Variants in SLC39A11 observed in about 807,000 individuals in gnomAD.
The protein encoded by SLC39A11 is solute carrier family 39 member 11, also known as zinc transporter ZIP11.
SLC39A11 carries 33 observed loss-of-function variants against 36.1 expected under a neutral mutation model. That is an observed-to-expected ratio of 0.91 (90% CI 0.69 to 1.22). SLC39A11 has a LOEUF of 1.22. Ranked by LOEUF, SLC39A11 falls within the 50% of genes most tolerant of loss-of-function variation. The pLI is 0.00. For synonymous variants in SLC39A11, 166 were observed against 170.3 expected (o/e 0.97, Z 0.20); for missense variants, 432 against 430.3 (o/e 1.00, Z -0.03).
intron 5 of SLC39A11, among the ~76,000 whole-genome samples, chr17:72,936,230 G>A (rs1393750528): frequency 6.6e-6 from 1 of 151,732 alleles, no homozygotes; most frequent in Non-Finnish European, 1.5e-5. Context: ...AATGACCAGG[G>A]AGCTTGGACT....
intron 5 of SLC39A11, 88 bp downstream of exon 5, chr17:72,947,664 C>A: frequency 6.3e-7 from 1 of 1,587,360 alleles, no homozygotes; most frequent in South Asian, 1.1e-5. Context: ...TCTCACTATT[C>A]ATCCTACCAC....
chr17:72,940,145 G>T (rs2085008383), intron 5 of SLC39A11, among the ~76,000 whole-genome samples: 1 of 152,194 alleles, frequency 6.6e-6, no homozygotes, highest in Non-Finnish European at 1.5e-5. Flanking sequence ...TTCCCCAGAA[G>T]TTAACTGAGC....
At chr17:72,706,473 GAATTCTC>G (rs1162603127) in intron 7 of SLC39A11, among the ~76,000 whole-genome samples, 1 of 152,252 alleles carries the variant, frequency 6.6e-6, no homozygotes, top group Non-Finnish European at 1.5e-5. Context: ...TGTTCCTAAA[GAATTCTC>G]AATTCTCAAA....
At position 73,088,775 on chromosome 17, in the gene SLC39A11, G is replaced by A. The variant is rs1351344271; in HGVS notation, c.-11C>T. On this transcript the variant is annotated splice_region_variant and 5_prime_UTR_variant, in exon 2 of 10. Transcript: ENST00000255559. ...GTGGCCTTGGAGCATGCTGGATACAGCTGTGCAAGAGGAGCGAGAGGGTCA... is the reference window on the plus strand; with the variant it reads ...GTGGCCTTGGAGCATGCTGGATACAACTGTGCAAGAGGAGCGAGAGGGTCA... 1 of 1,592,454 alleles carries A rather than the reference G, an allele frequency of 6.3e-7. No individual in the cohort carries two copies.
At chr17:72,901,000 A>AG (rs2082369015) in intron 5 of SLC39A11, among the ~76,000 whole-genome samples, 1 of 151,584 alleles carries the variant, frequency 6.6e-6, no homozygotes, top group Admixed American at 6.6e-5. Context: ...ACACGAAAAA[A>AG]AAACACGATG....
intron 6 of SLC39A11, among the ~76,000 whole-genome samples, chr17:72,785,154 C>T (rs2076464858): frequency 6.6e-6 from 1 of 152,208 alleles, no homozygotes. Flanking sequence ...GCCTAAACCT[C>T]TTTTATTCAT....
intron 7 of SLC39A11, among the ~76,000 whole-genome samples, chr17:72,683,765 T>C (rs1326044510): frequency 1.3e-5 from 2 of 151,940 alleles, no homozygotes; most frequent in South Asian, 4.2e-4. Context: ...AAAACCAAAG[T>C]GCAGCTCAAA....
intron 6 of SLC39A11, among the ~76,000 whole-genome samples, chr17:72,776,621 A>AC (rs1555668744): frequency 3.3e-5 from 5 of 150,916 alleles, no homozygotes; most frequent in Admixed American, 6.6e-5. Context: ...AAAAAAAAAA[A>AC]AAAAAAAACA....
At chr17:72,670,109 C>T (rs962351074) in intron 7 of SLC39A11, among the ~76,000 whole-genome samples, 1 of 145,326 alleles carries the variant, frequency 6.9e-6, no homozygotes, top group South Asian at 2.2e-4. Flanking sequence ...TATACTTGTA[C>T]ATATATAGTT....
chr17:72,936,585 C>T (rs548284485), intron 5 of SLC39A11, among the ~76,000 whole-genome samples: 5 of 152,168 alleles, frequency 3.3e-5, no homozygotes, highest in African/African-American at 1.2e-4. Context: ...ATCTGAAGAC[C>T]TGAGAAAAAC....
chr17:72,789,959 G>A (rs557236591), intron 6 of SLC39A11, among the ~76,000 whole-genome samples: 2 of 152,272 alleles, frequency 1.3e-5, no homozygotes, highest in South Asian at 2.1e-4. Context: ...CTCGTGGAGT[G>A]CCAAAGATTG....
At chr17:72,882,797 CTTT>C (rs972532779) in intron 5 of SLC39A11, among the ~76,000 whole-genome samples, 6 of 60,558 alleles carry the variant, frequency 9.9e-5, no homozygotes, top group Non-Finnish European at 8.5e-5. Flanking sequence ...GAGAATGCTT[CTTT>C]TTTTTTTTTT....
chr17:72,789,853 A>T (rs978469261), intron 6 of SLC39A11, among the ~76,000 whole-genome samples: 5 of 152,240 alleles, frequency 3.3e-5, no homozygotes, highest in African/African-American at 1.2e-4. Flanking sequence ...CATCTGAATG[A>T]ATAATTCAGG....
At chr17:72,971,730 G>A (rs865916980) in intron 4 of SLC39A11, among the ~76,000 whole-genome samples, 33 of 137,304 alleles carry the variant, frequency 2.4e-4, no homozygotes, top group Non-Finnish European at 4.3e-4. Flanking sequence ...ATATGCAACC[G>A]GGATGCCACC....
At chr17:73,072,428 A>C (rs1001920648) in intron 3 of SLC39A11, 1 of 152,258 alleles carries the variant, frequency 6.6e-6, no homozygotes, top group Non-Finnish European at 1.5e-5. Context: ...ACAGAGCAAC[A>C]GCATACACGT....
chr17:73,074,764 G>A (rs1465861759), intron 3 of SLC39A11, among the ~76,000 whole-genome samples: 3 of 152,178 alleles, frequency 2.0e-5, no homozygotes, highest in African/African-American at 7.2e-5. Flanking sequence ...CTGCACAAAA[G>A]CAGACTTAGC....
chr17:72,964,757 T>C lies in SLC39A11; in HGVS notation c.307-16882A>G, dbSNP rs7220489. ...CCCAGCCATCCCATTACTGGGTATA[T>C]ACCCAAAGGACTATAAATCATGCTG... On this transcript the variant is annotated intron_variant, in intron 4 of 9. Transcript: ENST00000255559. Among the ~76,000 whole-genome samples the C allele has an allele frequency of 6.6e-5, 10 of 152,312 alleles. No homozygotes were observed. The South Asian group carries it at 1.5e-3, about 22-fold the overall frequency.
intron 5 of SLC39A11, among the ~76,000 whole-genome samples, chr17:72,895,912 A>G (rs975646731): frequency 2.6e-5 from 4 of 152,188 alleles, no homozygotes; most frequent in African/African-American, 9.7e-5. Context: ...ATCATACACA[A>G]ATGGCCAATT....
intron 5 of SLC39A11, among the ~76,000 whole-genome samples, chr17:72,856,245 A>G (rs2079636226): frequency 6.6e-6 from 1 of 152,208 alleles, no homozygotes; most frequent in Non-Finnish European, 1.5e-5. Flanking sequence ...TCATCTTGAA[A>G]TAAGTATATT....
Sources: allele counts gnomAD v4.1 joint callset (sites outside exome capture counted in the v4.1 genomes callset), GRCh38; gene constraint gnomAD v4.1.1; transcripts MANE v1.5; gene names NCBI Gene and HGNC (gene_info 2026-07-23, HGNC 2026-07-21).